Variants in ZFYVE26 observed in about 807,000 individuals in gnomAD.
ZFYVE26 encodes zinc finger FYVE domain-containing protein 26.
A neutral mutation model predicts 276.5 loss-of-function variants in ZFYVE26; 181 were observed. The ratio of observed to expected loss-of-function variants is 0.65; its 90% CI spans 0.58 to 0.74. The LOEUF (loss-of-function observed/expected upper bound fraction) is 0.74, where lower values mean the gene tolerates loss of function less well. Among genes scored for constraint, ZFYVE26 ranks in the 30% least tolerant of loss-of-function variants. ZFYVE26 has a pLI of 0.00. For missense variants in ZFYVE26, 2,821 were observed against 3,097.9 expected, an observed-to-expected ratio of 0.91 and a Z score of 2.12; for synonymous variants, 1,129 against 1,203.1, an observed-to-expected ratio of 0.94 and a Z score of 1.27.
At chr14:67,792,578 GC>G (rs1320456881) in intron 14 of ZFYVE26, among the ~76,000 whole-genome samples, 3 of 152,078 alleles carry the variant, frequency 2.0e-5, no homozygotes, top group Non-Finnish European at 4.4e-5. Context: ...ATTCTAGTCT[GC>G]TAGCTCTCCA....
In ZFYVE26 at chr14:67,804,149, G is replaced by A. The variant is rs556064894; in HGVS notation, c.1387C>T (p.Leu463Phe). The change falls in exon 9 of 42, where the codon CTC becomes TTC. Residue 463 changes from leucine (L) to phenylalanine (F), a missense_variant. Leu to Phe is a conservative substitution (Grantham distance 22). Transcript: ENST00000347230. ...NLPALREEDV[L>F]KLLQKVPAKD... ...GCTGGCACTTTCTGTAAGAGCTTGA[G>A]AACATCTTCCTCCCTGAGGGCTGGA... 6.1e-5 allele frequency: 99 copies of A among 1,614,098 alleles called. No individual in the cohort carries two copies. Among genetic ancestry groups the A allele is most frequent in the Admixed American group, 8.3e-5 (5 of 60,002 alleles).
At chr14:67,745,023 CCCA>C (rs968708861), downstream of ZFYVE26, among the ~76,000 whole-genome samples, 10 of 152,176 alleles carry the variant, frequency 6.6e-5, no homozygotes, top group Non-Finnish European at 1.5e-4. Flanking sequence ...AATTTACACT[CCCA>C]CCAACAGTGT....
chr14:67,750,966 T>A, intron 41 of ZFYVE26, 86 bp downstream of exon 41: 2 of 1,512,094 alleles, frequency 1.3e-6, no homozygotes, highest in Non-Finnish European at 1.8e-6. Flanking sequence ...ATGGAACTAT[T>A]GTGGGGAGCA....
In ZFYVE26 at chr14:67,776,123, T is replaced by C. The variant is rs778581639; in HGVS notation, c.4975-17A>G. On this transcript the variant is annotated splice_polypyrimidine_tract_variant and intron_variant, in intron 25 of 41. Coordinates refer to ENST00000347230, the MANE Select transcript of ZFYVE26 (RefSeq NM_015346.4). Reference sequence around the variant, plus strand: ...CAGCAGAATCTGTTTGTGGGGTAGATCCATAGAGTAAAGAAAATAGTACAC... The same window carrying C: ...CAGCAGAATCTGTTTGTGGGGTAGACCCATAGAGTAAAGAAAATAGTACAC... 3 of 1,613,828 alleles carry C rather than the reference T, an allele frequency of 1.9e-6. No individual in the cohort carries two copies. In the Admixed American group the frequency reaches 5.0e-5, roughly 27 times the overall value.
At chr14:67,796,549 T>C (rs1280620921) in intron 12 of ZFYVE26, 1 of 151,952 alleles carries the variant, frequency 6.6e-6, no homozygotes, top group Non-Finnish European at 1.5e-5. Context: ...AAATGACAAA[T>C]GTTTGAGGTG....
Position 67,797,737 on chromosome 14 carries a change from C to G in ZFYVE26, c.2267G>C (p.Arg756Thr). 6.2e-7 allele frequency: 1 copy of G among 1,614,146 alleles called. No individual in the cohort carries two copies. Among genetic ancestry groups the G allele is most frequent in the Non-Finnish European group, 8.5e-7 (1 of 1,180,032 alleles). The change falls in exon 12 of 42, where the codon AGA becomes ACA. Residue 756 changes from arginine to threonine, a missense_variant. Physicochemically the swap from Arg to Thr is moderately conservative, Grantham distance 71. Transcript: ENST00000347230. ...NHRSEEQPSRRYQPATRHPSL... is the reference protein window; with the variant it reads ...NHRSEEQPSRTYQPATRHPSL... ...GGGGTGACGTGTGGCAGGCTGGTAT[C>G]TTCGGGAAGGTTGCTCCTCTGAAAG...
chr14:67,786,262 C>CAAAAAAAGAAA, intron 16 of ZFYVE26, 29 bp from the exon 17 acceptor site: 1 of 1,281,226 alleles, frequency 7.8e-7, no homozygotes, highest in Non-Finnish European at 1.0e-6. Flanking sequence ...AGAGGGAATG[C>CAAAAAAAGAAA]AAAAAAAAAA....
At chr14:67,798,838 C>G (rs905677067) in intron 10 of ZFYVE26, among the ~76,000 whole-genome samples, 11 of 152,242 alleles carry the variant, frequency 7.2e-5, no homozygotes, top group African/African-American at 2.2e-4. Context: ...AAAAGTACAG[C>G]TGGCCGGGTC....
rs181201506 is a variant in ZFYVE26, at chr14:67,816,023, A to G, written c.-60T>C. 2 of 1,402,618 alleles carry G rather than the reference A, an allele frequency of 1.4e-6. No individual in the cohort carries two copies. Among genetic ancestry groups the G allele is most frequent in the African/African-American group, 1.4e-5 (1 of 69,896 alleles). 86.9% of individuals were successfully genotyped at this position (1,402,618 alleles called of 1,614,324 possible). A position where few individuals can be genotyped will look rare whatever the true frequency, so the allele number is the denominator to read the frequency against. On this transcript the variant is annotated 5_prime_UTR_variant, in exon 2 of 42. Transcript: ENST00000347230. ...ATGAGTTATGCCGAACACATTCTCA[A>G]TGTTCTCATTCGCGGAGTACCTCCT...
At chr14:67,762,638 G>A (rs1376653016) in intron 33 of ZFYVE26, 34 bp downstream of exon 33, 4 of 1,611,010 alleles carry the variant, frequency 2.5e-6, no homozygotes, top group Non-Finnish European at 2.5e-6. Flanking sequence ...CTACAGTGGG[G>A]TGGAAGTAAG....
chr14:67,743,498 T>TAATAA (rs142422698), downstream of ZFYVE26, among the ~76,000 whole-genome samples: 7 of 139,206 alleles, frequency 5.0e-5, no homozygotes, highest in African/African-American at 1.6e-4. Flanking sequence ...CTCAGTATAA[T>TAATAA]AATAAAATAA....
rs773333879 is a variant in ZFYVE26, at chr14:67,783,509, C to CCTAAGTGTGG, written c.3642_3643insCCACACTTAG (p.Ala1215ProfsTer22). ...ACACTTAGGCTGAGATTCTCTTGGG[C>CCTAAGTGTGG]CAGAAGGGCTGCCAGTCTGGAAGGA... On this transcript the variant is annotated frameshift_variant, in exon 21 of 42. Transcript: ENST00000347230. LOFTEE classifies it high-confidence loss of function. 3 of 1,613,100 alleles carry CCTAAGTGTGG rather than the reference C, an allele frequency of 1.9e-6. No individual in the cohort carries two copies. Among genetic ancestry groups the CCTAAGTGTGG allele is most frequent in the Non-Finnish European group, 2.5e-6 (3 of 1,180,012 alleles).
chr14:67,750,098 G>A (rs945703425), intron 41 of ZFYVE26, among the ~76,000 whole-genome samples: 1 of 152,208 alleles, frequency 6.6e-6, no homozygotes, highest in African/African-American at 2.4e-5. Context: ...ACTGCAGTCT[G>A]GGAATCAGAG....
intron 35 of ZFYVE26, among the ~76,000 whole-genome samples, chr14:67,759,639 A>AAAAAAG (rs2038883258): frequency 1.3e-5 from 2 of 150,934 alleles, no homozygotes; most frequent in African/African-American, 2.4e-5. Flanking sequence ...AAAAAAAAAA[A>AAAAAAG]GTGCATGGTA....
intron 32 of ZFYVE26, among the ~76,000 whole-genome samples, chr14:67,764,781 C>A (rs1336628038): frequency 6.6e-6 from 1 of 152,088 alleles, no homozygotes; most frequent in Admixed American, 6.6e-5. Context: ...GCGCAAGACA[C>A]CTTGGGGTGG....
rs994574743 is a variant in ZFYVE26 at position 67,747,486 on chromosome 14, A to G, written c.*950T>C. The stretch of plus-strand genomic sequence containing the variant: ...AACCAATTCAAGGAGCGCAAACAGG[A>G]CTGCAGCTCAAATAGGTAAAATCGA... On this transcript the variant is annotated 3_prime_UTR_variant, in exon 42 of 42. Transcript: ENST00000347230. 2 of 152,194 alleles carry G rather than the reference A, an allele frequency of 1.3e-5. No individual in the cohort carries two copies. Among genetic ancestry groups the G allele is most frequent in the African/African-American group, 4.8e-5 (2 of 41,440 alleles). 9.4% of individuals were successfully genotyped at this position (152,194 alleles called of 1,614,324 possible). A position where few individuals can be genotyped will look rare whatever the true frequency, so the allele number is the denominator to read the frequency against.
At chr14:67,785,363 G>T in intron 18 of ZFYVE26, 86 bp from the exon 19 acceptor site, 1 of 1,255,042 alleles carries the variant, frequency 8.0e-7, no homozygotes, top group Non-Finnish European at 1.1e-6. Flanking sequence ...TATGTGAACT[G>T]TGCCCCCTAT....
At position 67,762,731 on chromosome 14, in the gene ZFYVE26, C is replaced by A. The variant is rs374744696; in HGVS notation, c.6100G>T (p.Ala2034Ser). ...AGCTGGTTCCTTAGCCTGGTTACTG[C>A]AGCTGGCTGCAAGATCTGATCCAAA... Reference protein sequence around the residue: ...PSLDQILQPAAVTRLRNQLLE... With the variant: ...PSLDQILQPASVTRLRNQLLE... Residue 2034 changes from alanine to serine, a missense_variant, in exon 33 of 42, where the codon GCA becomes TCA. Physicochemically the swap from Ala to Ser is moderately conservative, Grantham distance 99. Coordinates refer to ENST00000347230, the MANE Select transcript of ZFYVE26 (RefSeq NM_015346.4). 6.2e-7 allele frequency: 1 copy of A among 1,614,190 alleles called. No individual in the cohort carries two copies. The highest frequency in any genetic ancestry group is 8.5e-7 in the Non-Finnish European group (1 of 1,180,046).
intron 28 of ZFYVE26, 36 bp from the exon 29 acceptor site, chr14:67,769,766 G>A: frequency 6.2e-7 from 1 of 1,613,446 alleles, no homozygotes; most frequent in Non-Finnish European, 8.5e-7. Flanking sequence ...GAAAGAGGGA[G>A]GAGAGAAGGG....
Sources: allele counts gnomAD v4.1 joint callset (sites outside exome capture counted in the v4.1 genomes callset), GRCh38; gene constraint gnomAD v4.1.1; transcripts MANE v1.5; gene names NCBI Gene and HGNC (gene_info 2026-07-23, HGNC 2026-07-21).